The following PDE1A variants were observed in gnomAD, a reference collection of about 807,000 sequenced individuals.
PDE1A encodes the protein dual specificity calcium/calmodulin-dependent 3',5'-cyclic nucleotide phosphodiesterase 1A.
A neutral mutation model predicts 61.7 loss-of-function variants in PDE1A; 35 were observed. That is an observed-to-expected ratio of 0.57 (90% CI 0.43 to 0.75). PDE1A has a LOEUF of 0.75. PDE1A is among the 30% of genes least tolerant of loss of function. The pLI is 0.00. For missense variants in PDE1A, 597 were observed against 630.6 expected (o/e 0.95, Z 0.57); for synonymous variants, 232 against 213.2 (o/e 1.09, Z -0.77).
At chr2:182,331,860 T>C (rs2124950946) in intron 1 of PDE1A, among the ~76,000 whole-genome samples, 1 of 152,266 alleles carries the variant, frequency 6.6e-6, no homozygotes, top group Non-Finnish European at 1.5e-5. Context: ...ATGTTTGTGG[T>C]GTTCTCTATA....
chr2:182,328,347 A>G (rs1211259275), intron 1 of PDE1A, among the ~76,000 whole-genome samples: 1 of 152,216 alleles, frequency 6.6e-6, no homozygotes, highest in Admixed American at 6.5e-5. Context: ...TTAAAAGTTC[A>G]TTGTAATATT....
At chr2:182,513,918 A>G (rs1473717398) in intron 2 of PDE1A, among the ~76,000 whole-genome samples, 4 of 152,238 alleles carry the variant, frequency 2.6e-5, no homozygotes, top group African/African-American at 7.2e-5. Flanking sequence ...ATATGCACCC[A>G]ACACTGGAGC....
At chr2:182,512,886 A>G (rs1482294192) in intron 2 of PDE1A, among the ~76,000 whole-genome samples, 1 of 152,240 alleles carries the variant, frequency 6.6e-6, no homozygotes. Flanking sequence ...GAATCAACTC[A>G]GTGAGACAAA....
At chr2:182,402,938 G>A (rs1357648995) in intron 1 of PDE1A, among the ~76,000 whole-genome samples, 1 of 152,140 alleles carries the variant, frequency 6.6e-6, no homozygotes, top group Non-Finnish European at 1.5e-5. Context: ...ATCATCACTG[G>A]TCATTAGAGA....
chr2:182,271,143 G>C (rs1692988581), intron 1 of PDE1A, among the ~76,000 whole-genome samples: 1 of 149,866 alleles, frequency 6.7e-6, no homozygotes, highest in African/African-American at 2.5e-5. Flanking sequence ...ATTGTACACT[G>C]GAAATTTGCT....
intron 2 of PDE1A, among the ~76,000 whole-genome samples, chr2:182,450,779 C>T (rs1242287265): frequency 7.4e-6 from 1 of 135,312 alleles, no homozygotes; most frequent in South Asian, 2.4e-4. Context: ...AAAAAAGACA[C>T]AAAGAAAAAA....
chr2:182,252,519 CCAGA>C, intron 2 of PDE1A, among the ~76,000 whole-genome samples: 1 of 13,594 alleles, frequency 7.4e-5, no homozygotes, highest in Non-Finnish European at 1.2e-4. Flanking sequence ...AGTAAAGTTT[CCAGA>C]GTAAAGTTTC....
intron 2 of PDE1A, among the ~76,000 whole-genome samples, chr2:182,514,365 C>T (rs1690005540): frequency 6.6e-6 from 1 of 152,082 alleles, no homozygotes. Flanking sequence ...AGAGCATGAA[C>T]AGTCAAAGCA....
intron 2 of PDE1A, among the ~76,000 whole-genome samples, chr2:182,248,106 A>C (rs1402915457): frequency 6.6e-6 from 1 of 152,034 alleles, no homozygotes; most frequent in Non-Finnish European, 1.5e-5. Context: ...AGATACAAAA[A>C]TTTAGCTGGG....
chr2:182,257,158 T>C (rs1445108633), intron 2 of PDE1A, among the ~76,000 whole-genome samples: 1 of 152,198 alleles, frequency 6.6e-6, no homozygotes, highest in Non-Finnish European at 1.5e-5. Context: ...CTTTGGTAGC[T>C]CCATGCCTTG....
chr2:182,558,510 A>G, the PDE1A span, among the ~76,000 whole-genome samples: 1 of 152,228 alleles, frequency 6.6e-6, no homozygotes, highest in Admixed American at 6.5e-5. Flanking sequence ...TGCTACAGCC[A>G]TAATGGCCTT....
chr2:182,699,950 T>A, the PDE1A span, among the ~76,000 whole-genome samples: 1 of 152,198 alleles, frequency 6.6e-6, no homozygotes, highest in Non-Finnish European at 1.5e-5. Flanking sequence ...TCACTGCTCT[T>A]GACCATGAGG....
At chr2:182,164,280 T>G (rs147386540), downstream of PDE1A, among the ~76,000 whole-genome samples, 4 of 152,184 alleles carry the variant, frequency 2.6e-5, no homozygotes, top group African/African-American at 9.6e-5. Flanking sequence ...TCTCCCAGTT[T>G]GTACTATGCC....
At chr2:182,285,713 T>C (rs1315052732) in intron 1 of PDE1A, among the ~76,000 whole-genome samples, 1 of 152,074 alleles carries the variant, frequency 6.6e-6, no homozygotes, top group East Asian at 1.9e-4. Flanking sequence ...TGACCCACCA[T>C]AGTAAGAACA....
chr2:182,475,511 A>C (rs1687297875), intron 2 of PDE1A, among the ~76,000 whole-genome samples: 1 of 151,920 alleles, frequency 6.6e-6, no homozygotes, highest in African/African-American at 2.4e-5. Context: ...CCACAGCCAG[A>C]CTATATGCTT....
At chr2:182,409,443 G>A (rs1267535407) in intron 1 of PDE1A, among the ~76,000 whole-genome samples, 1 of 152,228 alleles carries the variant, frequency 6.6e-6, no homozygotes, top group African/African-American at 2.4e-5. Flanking sequence ...ACTGTGCAAA[G>A]TATTGGAGAT....
chr2:182,618,988 G>A, the PDE1A span, among the ~76,000 whole-genome samples: 3 of 150,360 alleles, frequency 2.0e-5, no homozygotes, highest in South Asian at 2.1e-4. Context: ...TCAGTCCTTC[G>A]TCCAGCGCCA....
intron 1 of PDE1A, among the ~76,000 whole-genome samples, chr2:182,416,720 T>C (rs1559441120): frequency 6.6e-6 from 1 of 152,196 alleles, no homozygotes; most frequent in Non-Finnish European, 1.5e-5. Context: ...TGGAGAAATT[T>C]AGGAAAACTA....
At chr2:182,258,307 A>G (rs1457553224) in intron 2 of PDE1A, among the ~76,000 whole-genome samples, 2 of 152,234 alleles carry the variant, frequency 1.3e-5, no homozygotes, top group East Asian at 1.9e-4. Flanking sequence ...GATCCTGGCT[A>G]TACACAGCTG....
Sources: allele counts gnomAD v4.1 joint callset (sites outside exome capture counted in the v4.1 genomes callset), GRCh38; gene constraint gnomAD v4.1.1; transcripts MANE v1.5; gene names NCBI Gene and HGNC (gene_info 2026-07-23, HGNC 2026-07-21).